LRRC4C: variants seen among roughly 807,000 people sequenced by gnomAD.
LRRC4C encodes leucine rich repeat containing 4C.
LRRC4C carries 5 observed loss-of-function variants against 33.6 expected under a neutral mutation model. The observed-to-expected ratio is 0.15, with a 90% CI of 0.08 to 0.31. LRRC4C has a LOEUF of 0.31. LRRC4C is among the 10% of genes least tolerant of loss of function. LRRC4C has a pLI of 1.00. For synonymous variants in LRRC4C, 329 were observed against 302.0 expected (o/e 1.09, Z -0.93); for missense variants, 560 against 796.7 (o/e 0.70, Z 3.58).
chr11:40,798,541 G>T (rs1190756555), intron 2 of LRRC4C, among the ~76,000 whole-genome samples: 1 of 151,958 alleles, frequency 6.6e-6, no homozygotes, highest in Non-Finnish European at 1.5e-5. Flanking sequence ...TAATAGTCAT[G>T]TAATAAAATC....
At chr11:41,426,888 A>G (rs1214048744) in intron 1 of LRRC4C, among the ~76,000 whole-genome samples, 2 of 152,174 alleles carry the variant, frequency 1.3e-5, no homozygotes, top group African/African-American at 4.8e-5. Flanking sequence ...ATAGACTAGC[A>G]CAAGCTTCCA....
intron 3 of LRRC4C, among the ~76,000 whole-genome samples, chr11:40,401,938 A>T (rs1949776061): frequency 6.6e-6 from 1 of 152,134 alleles, no homozygotes; most frequent in African/African-American, 2.4e-5. Flanking sequence ...CTCTGAAATA[A>T]ATAGCTATAC....
intron 5 of LRRC4C, among the ~76,000 whole-genome samples, chr11:40,238,086 C>T (rs555761946): frequency 5.3e-5 from 8 of 152,132 alleles, no homozygotes; most frequent in Non-Finnish European, 1.0e-4. Context: ...AAAATTTGTA[C>T]GGCAGCACAG....
intron 1 of LRRC4C, among the ~76,000 whole-genome samples, chr11:41,154,930 T>C (rs922266094): frequency 6.6e-6 from 1 of 152,146 alleles, no homozygotes; most frequent in Non-Finnish European, 1.5e-5. Flanking sequence ...TACTGAGTAC[T>C]TCAGACTGGG....
At chr11:40,633,007 C>T (rs987838482) in intron 3 of LRRC4C, among the ~76,000 whole-genome samples, 2 of 152,166 alleles carry the variant, frequency 1.3e-5, no homozygotes, top group Admixed American at 1.3e-4. Flanking sequence ...TTTGCCAAGG[C>T]TACTTTGGGT....
In LRRC4C at chr11:40,522,638, C is replaced by A. The variant is rs898378904; in HGVS notation, c.-270+125504G>T. 2.0e-5 allele frequency among the ~76,000 whole-genome samples: 3 copies of A among 152,132 alleles called. No homozygotes were observed. In the South Asian group the frequency reaches 6.2e-4, roughly 31 times the overall value. ...ATATTTAAATTTTATTTAATTTCAA[C>A]TGAATTACATTTGAACTTTTTCATG... On this transcript the variant is annotated intron_variant, in intron 3 of 6. Coordinates refer to ENST00000528697, the MANE Select transcript of LRRC4C (RefSeq NM_001258419.2).
At chr11:41,427,061 T>G (rs1455400302) in intron 1 of LRRC4C, among the ~76,000 whole-genome samples, 2 of 152,192 alleles carry the variant, frequency 1.3e-5, no homozygotes, top group Non-Finnish European at 2.9e-5. Context: ...ATATCTTATC[T>G]TTCTAGTTGA....
chr11:41,239,140 C>T (rs1206062746), intron 1 of LRRC4C, among the ~76,000 whole-genome samples: 2 of 139,132 alleles, frequency 1.4e-5, no homozygotes, highest in African/African-American at 5.3e-5. Flanking sequence ...ACGGTGAAAC[C>T]CCGTCTCTAC....
intron 1 of LRRC4C, among the ~76,000 whole-genome samples, chr11:41,376,000 CAT>C (rs1952923933): frequency 6.6e-6 from 1 of 151,718 alleles, no homozygotes; most frequent in East Asian, 1.9e-4. Flanking sequence ...GGAGAATTCA[CAT>C]ATAAATTGAT....
chr11:40,904,733 T>C (rs1956345053), intron 2 of LRRC4C, among the ~76,000 whole-genome samples: 1 of 152,142 alleles, frequency 6.6e-6, no homozygotes, highest in Admixed American at 6.6e-5. Context: ...CCTCCCTGTT[T>C]AGGTTTATGT....
chr11:40,741,898 A>G (rs1013790793), intron 2 of LRRC4C, among the ~76,000 whole-genome samples: 4 of 152,102 alleles, frequency 2.6e-5, no homozygotes, highest in African/African-American at 9.6e-5. Flanking sequence ...AGCCAAAGAT[A>G]GAATTTCAAC....
chr11:40,986,441 T>TA (rs1853002724), intron 1 of LRRC4C, among the ~76,000 whole-genome samples: 1 of 151,920 alleles, frequency 6.6e-6, no homozygotes, highest in Admixed American at 6.6e-5. Flanking sequence ...CCACTAAAAA[T>TA]AAAAAATATT....
At chr11:41,328,322 G>T (rs7934658) in intron 1 of LRRC4C, among the ~76,000 whole-genome samples, 3,350 of 152,238 alleles carry the variant, frequency 0.022, 127 homozygotes, top group African/African-American at 0.076. Context: ...TGTCCAAAAG[G>T]AGTGTTCTTT....
chr11:41,411,438 G>A (rs545009073), intron 1 of LRRC4C, among the ~76,000 whole-genome samples: 19 of 151,570 alleles, frequency 1.3e-4, no homozygotes, highest in African/African-American at 4.1e-4. Flanking sequence ...TTGAGCCACC[G>A]CGCCCAGCCT....
chr11:41,417,889 T>C (rs1954742251), intron 1 of LRRC4C, among the ~76,000 whole-genome samples: 1 of 151,760 alleles, frequency 6.6e-6, no homozygotes, highest in Non-Finnish European at 1.5e-5. Context: ...ATATTTCTTT[T>C]CTCAACAAAC....
At chr11:41,313,932 A>G (rs1233748469) in intron 1 of LRRC4C, among the ~76,000 whole-genome samples, 1 of 152,178 alleles carries the variant, frequency 6.6e-6, no homozygotes, top group East Asian at 1.9e-4. Flanking sequence ...ATCTATTCAA[A>G]TAAAAATGTT....
At chr11:41,102,069 C>T (rs889453894) in intron 1 of LRRC4C, among the ~76,000 whole-genome samples, 1 of 151,932 alleles carries the variant, frequency 6.6e-6, no homozygotes, top group Non-Finnish European at 1.5e-5. Flanking sequence ...ATAATCTGTA[C>T]AACAAACCCC....
chr11:40,366,960 A>T (rs563779404), intron 3 of LRRC4C, among the ~76,000 whole-genome samples: 28 of 152,184 alleles, frequency 1.8e-4, no homozygotes, highest in South Asian at 1.0e-3. Flanking sequence ...GTTAGTACTC[A>T]CTCTAATAAC....
intron 5 of LRRC4C, among the ~76,000 whole-genome samples, chr11:40,166,829 A>G (rs11035721): frequency 0.095 from 14,451 of 152,122 alleles, 812 homozygotes; most frequent in South Asian, 0.19. Context: ...TATACTGTAT[A>G]CTGTTTTGTG....
Sources: allele counts gnomAD v4.1 joint callset (sites outside exome capture counted in the v4.1 genomes callset), GRCh38; gene constraint gnomAD v4.1.1; transcripts MANE v1.5; gene names NCBI Gene and HGNC (gene_info 2026-07-23, HGNC 2026-07-21).